The following LRRTM3 variants were observed in gnomAD, a reference collection of about 807,000 sequenced individuals.
The protein encoded by LRRTM3 is leucine-rich repeat transmembrane neuronal protein 3.
Under a neutral mutation model 44.7 loss-of-function variants are expected in LRRTM3, and 24 were observed. The observed-to-expected ratio is 0.54, with a 90% CI of 0.39 to 0.76. The LOEUF (loss-of-function observed/expected upper bound fraction) is 0.76. Among genes scored for constraint, LRRTM3 ranks in the 30% least tolerant of loss-of-function variants. LRRTM3 has a pLI of 0.00. For missense variants in LRRTM3, 587 were observed against 702.2 expected (o/e 0.84, Z 1.85); for synonymous variants, 277 against 278.7 (o/e 0.99, Z 0.06).
intron 2 of LRRTM3, among the ~76,000 whole-genome samples, chr10:67,048,382 CATG>C (rs1358580958): frequency 3.3e-5 from 5 of 152,068 alleles, no homozygotes; most frequent in African/African-American, 1.2e-4. Flanking sequence ...AAATTCCTTA[CATG>C]ATGATCAACA....
At chr10:67,093,987 G>A (rs1413698502) in intron 2 of LRRTM3, among the ~76,000 whole-genome samples, 2 of 151,874 alleles carry the variant, frequency 1.3e-5, no homozygotes, top group African/African-American at 2.4e-5. Context: ...ACTGCTACTT[G>A]AGCAGAAAAT....
chr10:66,975,748 T>C (rs1239038965), intron 2 of LRRTM3, among the ~76,000 whole-genome samples: 3 of 152,164 alleles, frequency 2.0e-5, no homozygotes, highest in Non-Finnish European at 4.4e-5. Flanking sequence ...TTTCTGCTCT[T>C]TATTCTTGGC....
chr10:67,055,248 A>G (rs1855352111), intron 2 of LRRTM3, among the ~76,000 whole-genome samples: 1 of 152,150 alleles, frequency 6.6e-6, no homozygotes, highest in South Asian at 2.1e-4. Context: ...TATCCCTTCC[A>G]TAGGTGTCAC....
chr10:66,996,801 G>T (rs915978999), intron 2 of LRRTM3, among the ~76,000 whole-genome samples: 3 of 151,936 alleles, frequency 2.0e-5, no homozygotes, highest in Admixed American at 2.0e-4. Context: ...AGTAGCATTT[G>T]AAATTTTGCT....
intron 2 of LRRTM3, among the ~76,000 whole-genome samples, chr10:66,983,371 C>T (rs978282812): frequency 6.6e-6 from 1 of 152,138 alleles, no homozygotes; most frequent in Non-Finnish European, 1.5e-5. Context: ...GCAGCCCCAA[C>T]TAATGTGTCT....
intron 2 of LRRTM3, among the ~76,000 whole-genome samples, chr10:66,978,495 C>T (rs1385573175): frequency 8.6e-6 from 1 of 116,550 alleles, no homozygotes; most frequent in Non-Finnish European, 1.7e-5. Context: ...CCACTGCACT[C>T]CAGCCTGGAT....
At chr10:66,963,080 A>G (rs911867152) in intron 2 of LRRTM3, among the ~76,000 whole-genome samples, 34 of 152,160 alleles carry the variant, frequency 2.2e-4, no homozygotes, top group Admixed American at 2.2e-3. Flanking sequence ...TGCCAAAACT[A>G]TATCATACTC....
At chr10:66,938,272 G>A (rs955407777) in intron 2 of LRRTM3, among the ~76,000 whole-genome samples, 1 of 151,916 alleles carries the variant, frequency 6.6e-6, no homozygotes, top group African/African-American at 2.4e-5. Flanking sequence ...CAATGTGAGG[G>A]TCAAGAGAAC....
At chr10:67,034,930 C>T (rs1203245429) in intron 2 of LRRTM3, among the ~76,000 whole-genome samples, 1 of 152,138 alleles carries the variant, frequency 6.6e-6, no homozygotes, top group South Asian at 2.1e-4. Flanking sequence ...TTTCTTCTGG[C>T]CTTCTTACTG....
chr10:67,097,483 T>C (rs1858073059), intron 2 of LRRTM3, 104 bp from the exon 3 acceptor site: 1 of 960,628 alleles, frequency 1.0e-6, no homozygotes, highest in Non-Finnish European at 1.6e-6. Context: ...GGGCCACAGA[T>C]ATAACCATGG....
chr10:66,984,089 A>G (rs1455713241), intron 2 of LRRTM3, among the ~76,000 whole-genome samples: 3 of 152,314 alleles, frequency 2.0e-5, no homozygotes, highest in African/African-American at 4.8e-5. Context: ...TGTTCATTCC[A>G]TCAGTAAATA....
intron 2 of LRRTM3, among the ~76,000 whole-genome samples, chr10:67,071,379 G>A (rs555049976): frequency 4.1e-5 from 6 of 145,154 alleles, no homozygotes; most frequent in Admixed American, 1.4e-4. Flanking sequence ...ATTTTCAATA[G>A]ATATATTTGT....
chr10:67,096,223 T>C (rs1488510010), intron 2 of LRRTM3, among the ~76,000 whole-genome samples: 3 of 151,836 alleles, frequency 2.0e-5, no homozygotes, highest in Non-Finnish European at 4.4e-5. Context: ...TTTTGATTAC[T>C]TTTATTAAAG....
At chr10:66,983,040 G>A (rs922439182) in intron 2 of LRRTM3, among the ~76,000 whole-genome samples, 5 of 152,200 alleles carry the variant, frequency 3.3e-5, no homozygotes, top group African/African-American at 7.2e-5. Context: ...TGAGAGCAGC[G>A]ACTGCCGAAC....
chr10:67,072,503 C>T (rs1856520666), intron 2 of LRRTM3, among the ~76,000 whole-genome samples: 1 of 152,212 alleles, frequency 6.6e-6, no homozygotes, highest in South Asian at 2.1e-4. Flanking sequence ...CGATATCTTC[C>T]ACCAGAGCAG....
At chr10:67,057,047 C>T (rs767709352) in intron 2 of LRRTM3, among the ~76,000 whole-genome samples, 6 of 152,148 alleles carry the variant, frequency 3.9e-5, no homozygotes, top group Non-Finnish European at 8.8e-5. Context: ...AATTCTGCCT[C>T]CTCTTGGATT....
At chr10:66,985,860 T>G (rs1243045799) in intron 2 of LRRTM3, among the ~76,000 whole-genome samples, 1 of 152,044 alleles carries the variant, frequency 6.6e-6, no homozygotes, top group Non-Finnish European at 1.5e-5. Flanking sequence ...CCCAAGTAAC[T>G]GGGATTACAG....
intron 2 of LRRTM3, among the ~76,000 whole-genome samples, chr10:66,947,139 AG>A (rs949287624): frequency 2.0e-5 from 3 of 151,926 alleles, no homozygotes; most frequent in Non-Finnish European, 2.9e-5. Flanking sequence ...TGATTGTATT[AG>A]AAAAAACTTG....
chr10:67,058,951 G>A (rs567654747), intron 2 of LRRTM3, among the ~76,000 whole-genome samples: 1 of 152,222 alleles, frequency 6.6e-6, no homozygotes, highest in South Asian at 2.1e-4. Flanking sequence ...ACCAAAAAAA[G>A]GCAAGAAATT....
Sources: allele counts gnomAD v4.1 joint callset (sites outside exome capture counted in the v4.1 genomes callset), GRCh38; gene constraint gnomAD v4.1.1; transcripts MANE v1.5; gene names NCBI Gene and HGNC (gene_info 2026-07-23, HGNC 2026-07-21).